The following PARD3B variants were observed in gnomAD, a reference collection of about 807,000 sequenced individuals.
PARD3B encodes par-3 family cell polarity regulator beta.
A neutral mutation model predicts 130.2 loss-of-function variants in PARD3B; 103 were observed. The ratio of observed to expected loss-of-function variants is 0.79; its 90% CI spans 0.67 to 0.93. The LOEUF is 0.93. Ranked by LOEUF, PARD3B falls within the 40% of genes least tolerant of loss-of-function variation. The pLI, the probability that PARD3B is intolerant of heterozygous loss-of-function variation, is 0.00. For synonymous variants in PARD3B, 583 were observed against 553.2 expected (o/e 1.05, Z -0.76); for missense variants, 1,609 against 1,499.2 (o/e 1.07, Z -1.21).
At chr2:204,715,659 A>G (rs1207769103) in intron 2 of PARD3B, among the ~76,000 whole-genome samples, 1 of 152,088 alleles carries the variant, frequency 6.6e-6, no homozygotes, top group Non-Finnish European at 1.5e-5. Context: ...GGAGTCTTAG[A>G]GAAGATCTTC....
At chr2:204,811,875 C>T (rs2042974005) in intron 2 of PARD3B, among the ~76,000 whole-genome samples, 1 of 151,912 alleles carries the variant, frequency 6.6e-6, no homozygotes, top group Non-Finnish European at 1.5e-5. Context: ...CTATTTTGAT[C>T]ACGGTCCTTA....
In PARD3B at chr2:205,615,438, CTCT is replaced by C. The variant is rs768568631; in HGVS notation, c.3261-11_3261-9del. 39 of 1,561,226 alleles carry C rather than the reference CTCT, an allele frequency of 2.5e-5. No individual in the cohort carries two copies. In the African/African-American group the frequency reaches 4.0e-4, roughly 16 times the overall value. ...CAGCTTAGGAGCTGCTAACATGTGTCTCTTCTTCTCTTTCCAGGGGAGGACCCG... is the reference window on the plus strand; with the variant it reads ...CAGCTTAGGAGCTGCTAACATGTGTCTCTTCTCTTTCCAGGGGAGGACCCG... On this transcript the variant is annotated splice_polypyrimidine_tract_variant and intron_variant, in intron 22 of 22. Transcript: ENST00000406610.
intron 1 of PARD3B, among the ~76,000 whole-genome samples, chr2:204,655,273 CA>C (rs901917787): frequency 6.6e-6 from 1 of 152,194 alleles, no homozygotes; most frequent in Non-Finnish European, 1.5e-5. Flanking sequence ...CTCAGTGCTT[CA>C]GTCAGCTGAT....
chr2:204,577,389 TTAGTACC>T (rs1265002011), intron 1 of PARD3B, among the ~76,000 whole-genome samples: 13 of 152,226 alleles, frequency 8.5e-5, no homozygotes, highest in African/African-American at 3.1e-4. Context: ...TCTTAGAGGT[TTAGTACC>T]TAGCCCATGG....
rs1398554776 is a variant in PARD3B at position 204,799,054 on chromosome 2, G to A, written c.222+112772G>A. 2.0e-5 allele frequency among the ~76,000 whole-genome samples: 3 copies of A among 152,128 alleles called. No individual in the cohort carries two copies. The highest frequency in any genetic ancestry group is 4.4e-5 in the Non-Finnish European group (3 of 68,042). On this transcript the variant is annotated intron_variant, in intron 2 of 22. Transcript: ENST00000406610. This position sits in a 1 kb window ranked among gnomAD's most constrained non-coding sequence, Gnocchi z 4.1. ...TACTCACCAGCTCAGCCACAGCGAA[G>A]TGGAGCAGCAAATGGGGACCCTGAG...
At chr2:204,590,215 C>T (rs1346143996) in intron 1 of PARD3B, among the ~76,000 whole-genome samples, 1 of 152,068 alleles carries the variant, frequency 6.6e-6, no homozygotes, top group African/African-American at 2.4e-5. Flanking sequence ...GGAGAGCAGA[C>T]AATGAGGAAG....
At chr2:205,043,464 T>C (rs1232257601) in intron 3 of PARD3B, among the ~76,000 whole-genome samples, 2 of 152,164 alleles carry the variant, frequency 1.3e-5, no homozygotes, top group African/African-American at 2.4e-5. Context: ...GCAAGTTCAA[T>C]GCCACAGAGC....
intron 2 of PARD3B, among the ~76,000 whole-genome samples, chr2:204,932,507 G>A (rs1234376237): frequency 1.3e-5 from 2 of 151,960 alleles, no homozygotes; most frequent in Non-Finnish European, 2.9e-5. Flanking sequence ...TGAAAAAATG[G>A]TATCCTTTCT....
At chr2:205,087,212 A>G (rs1575743625) in intron 4 of PARD3B, among the ~76,000 whole-genome samples, 3 of 152,318 alleles carry the variant, frequency 2.0e-5, no homozygotes, top group Middle Eastern at 6.8e-3. Flanking sequence ...TTGGGAAATA[A>G]AGTTGTGAAC....
intron 20 of PARD3B, among the ~76,000 whole-genome samples, chr2:205,465,369 C>T (rs778503265): frequency 1.6e-4 from 24 of 152,050 alleles, no homozygotes; most frequent in Non-Finnish European, 2.5e-4. Context: ...GGAACTGGCG[C>T]GATATTATCA....
At chr2:204,847,618 C>A (rs548300292) in intron 2 of PARD3B, among the ~76,000 whole-genome samples, 1 of 152,258 alleles carries the variant, frequency 6.6e-6, no homozygotes, top group Non-Finnish European at 1.5e-5. Flanking sequence ...TTTTGTCCAG[C>A]CTTTTCACTG....
At chr2:205,330,360 T>A (rs2043078359) in intron 18 of PARD3B, among the ~76,000 whole-genome samples, 1 of 152,080 alleles carries the variant, frequency 6.6e-6, no homozygotes, top group South Asian at 2.1e-4. Flanking sequence ...ATTATTAAAA[T>A]ATAAAAATTT....
Position 205,440,766 on chromosome 2 carries a change from CAATT to C in PARD3B, c.3044+97_3044+100del. 1 of 1,301,168 alleles carries C rather than the reference CAATT, an allele frequency of 7.7e-7. No homozygotes were observed. Among genetic ancestry groups the C allele is most frequent in the Non-Finnish European group, 1.1e-6 (1 of 945,134 alleles). 80.6% of individuals were successfully genotyped at this position (1,301,168 alleles called of 1,614,324 possible). A position where few individuals can be genotyped will look rare whatever the true frequency, so the allele number is the denominator to read the frequency against. ...ACCGATAAAAAATGTCTCCTTCAAT[CAATT>C]AAAACTGAAACGAGTCAGTACCCTA... On this transcript the variant is annotated intron_variant, in intron 20 of 22. Coordinates refer to ENST00000406610, the MANE Select transcript of PARD3B (RefSeq NM_001302769.2). The surrounding 1 kb of genome is among the most constrained non-coding windows in gnomAD (Gnocchi z 4.2).
chr2:204,797,037 T>C (rs144313008), intron 2 of PARD3B, among the ~76,000 whole-genome samples: 12,667 of 151,830 alleles, frequency 0.083, 661 homozygotes, highest in African/African-American at 0.14. Flanking sequence ...TAGCTGGGCA[T>C]GGTGGTGGGT....
intron 2 of PARD3B, among the ~76,000 whole-genome samples, chr2:204,847,500 A>G (rs2044512093): frequency 6.6e-6 from 1 of 152,188 alleles, no homozygotes; most frequent in African/African-American, 2.4e-5. Context: ...GCCCTAAAAT[A>G]TGAACTGAAA....
chr2:205,402,410 T>A (rs2046282938), intron 19 of PARD3B, among the ~76,000 whole-genome samples: 1 of 152,228 alleles, frequency 6.6e-6, no homozygotes, highest in African/African-American at 2.4e-5. Flanking sequence ...CATAGATCTT[T>A]GCTGCTCCCT....
At chr2:204,865,083 C>T (rs574130152) in intron 2 of PARD3B, among the ~76,000 whole-genome samples, 1 of 152,162 alleles carries the variant, frequency 6.6e-6, no homozygotes, top group South Asian at 2.1e-4. Context: ...TGATATCACA[C>T]CACCTCACTC....
At chr2:204,739,886 ATTT>A (rs1205945554) in intron 2 of PARD3B, among the ~76,000 whole-genome samples, 3 of 151,928 alleles carry the variant, frequency 2.0e-5, no homozygotes, top group Non-Finnish European at 1.5e-5. Flanking sequence ...TCTCAGCTTT[ATTT>A]TGTAATCATA....
At chr2:204,855,544 GA>G (rs1159814030) in intron 2 of PARD3B, among the ~76,000 whole-genome samples, 4,071 of 139,962 alleles carry the variant, frequency 0.029, 69 homozygotes, top group Middle Eastern at 0.044. Flanking sequence ...CCCTCTAAAA[GA>G]AAAAAAAATA....
Sources: allele counts gnomAD v4.1 joint callset (sites outside exome capture counted in the v4.1 genomes callset), GRCh38; gene constraint gnomAD v4.1.1; non-coding constraint Gnocchi (gnomAD v3.1); transcripts MANE v1.5; gene names NCBI Gene and HGNC (gene_info 2026-07-23, HGNC 2026-07-21).